Variants in CSMD3 observed in about 807,000 individuals in gnomAD.
CSMD3 encodes the protein CUB and sushi domain-containing protein 3.
In CSMD3, 177 loss-of-function variants were observed where a neutral mutation model predicts 435.2. The ratio of observed to expected loss-of-function variants is 0.41; its 90% CI spans 0.36 to 0.46. The LOEUF is 0.46. Among genes scored for constraint, CSMD3 ranks in the 20% least tolerant of loss-of-function variants. CSMD3 has a pLI of 0.34. For synonymous variants in CSMD3, 1,656 were observed against 1,520.5 expected, an observed-to-expected ratio of 1.09 and a Z score of -2.07; for missense variants, 4,265 against 4,504.6, an observed-to-expected ratio of 0.95 and a Z score of 1.52.
intron 66 of CSMD3, 118 bp from the exon 67 acceptor site, chr8:112,237,466 T>C: frequency 2.6e-6 from 2 of 757,306 alleles, no homozygotes; most frequent in Non-Finnish European, 4.5e-6. Context: ...TAATGTTGAA[T>C]GTGTGTTACA....
chr8:113,115,600 A>G (rs893220529), intron 4 of CSMD3, among the ~76,000 whole-genome samples: 5 of 152,170 alleles, frequency 3.3e-5, no homozygotes, highest in Admixed American at 6.5e-5. Context: ...TCTTTGTGGC[A>G]TTCATCCATA....
intron 5 of CSMD3, 183 bp downstream of exon 5, chr8:113,098,573 C>A (rs3817439): frequency 0.12 from 70,772 of 590,524 alleles, 4,553 homozygotes; most frequent in Middle Eastern, 0.17. Flanking sequence ...TGAATTTCAT[C>A]TATTTTTTAT....
intron 16 of CSMD3, among the ~76,000 whole-genome samples, chr8:112,671,992 G>A (rs571601678): frequency 6.6e-6 from 1 of 151,820 alleles, no homozygotes; most frequent in East Asian, 1.9e-4. Flanking sequence ...GCTAGCTGCT[G>A]AAATTGAAAA....
intron 5 of CSMD3, among the ~76,000 whole-genome samples, chr8:113,048,446 C>A (rs2087940419): frequency 6.6e-6 from 1 of 152,086 alleles, no homozygotes. Context: ...ATACAAACAG[C>A]TTTTCTATGG....
At chr8:113,400,990 C>CTAT (rs1363684243) in intron 1 of CSMD3, among the ~76,000 whole-genome samples, 1 of 151,684 alleles carries the variant, frequency 6.6e-6, no homozygotes, top group Admixed American at 6.6e-5. Context: ...GATAAAGAAA[C>CTAT]TAAATAGTGT....
At chr8:113,288,599 G>A (rs1043578647) in intron 2 of CSMD3, among the ~76,000 whole-genome samples, 3 of 151,700 alleles carry the variant, frequency 2.0e-5, no homozygotes, top group African/African-American at 7.2e-5. Flanking sequence ...GAGAAAACTA[G>A]AAATACAGGA....
intron 10 of CSMD3, among the ~76,000 whole-genome samples, chr8:112,863,108 C>T (rs2080872066): frequency 6.6e-6 from 1 of 151,890 alleles, no homozygotes; most frequent in South Asian, 2.1e-4. Flanking sequence ...CTAATATTAA[C>T]CCTTTTATAT....
chr8:113,153,105 G>GA (rs879259918), intron 4 of CSMD3, among the ~76,000 whole-genome samples: 156 of 98,504 alleles, frequency 1.6e-3, no homozygotes, highest in East Asian at 6.7e-3. Context: ...AGAAAGAAAA[G>GA]AAAGAAAGAA....
intron 1 of CSMD3, among the ~76,000 whole-genome samples, chr8:113,426,783 T>C (rs1231946785): frequency 6.6e-6 from 1 of 151,520 alleles, no homozygotes; most frequent in Non-Finnish European, 1.5e-5. Flanking sequence ...ATGGAAAACC[T>C]GGCTGATGGC....
rs374259296 is a variant in CSMD3, at chr8:112,465,042, A to C, written c.5395+7549T>G. 1.8e-4 allele frequency among the ~76,000 whole-genome samples: 27 copies of C among 152,344 alleles called. No homozygotes were observed. The East Asian group carries it at 2.9e-3, about 16-fold the overall frequency. On this transcript the variant is annotated intron_variant, in intron 32 of 70. Coordinates refer to ENST00000297405, the MANE Select transcript of CSMD3 (RefSeq NM_198123.2). ...TAGGACTCTATGGACTTTTATCTTC[A>C]GTTAAAAGTTAGTTAATATAGCCCA...
At chr8:113,242,343 C>T (rs758057900) in intron 3 of CSMD3, among the ~76,000 whole-genome samples, 9 of 151,986 alleles carry the variant, frequency 5.9e-5, no homozygotes, top group Non-Finnish European at 1.2e-4. Context: ...AACTTAGAGA[C>T]TGAGAAGCCA....
chr8:112,396,803 G>T (rs143542132), intron 35 of CSMD3, among the ~76,000 whole-genome samples: 92 of 152,268 alleles, frequency 6.0e-4, no homozygotes, highest in Non-Finnish European at 1.2e-3. Context: ...AATACAGTTC[G>T]ATGGTTGCTG....
At chr8:112,873,618 A>G (rs1334771518) in intron 10 of CSMD3, among the ~76,000 whole-genome samples, 1 of 152,058 alleles carries the variant, frequency 6.6e-6, no homozygotes, top group Non-Finnish European at 1.5e-5. Context: ...CCAAATGCTC[A>G]ACAAATGTTT....
At position 112,399,377 on chromosome 8, in the gene CSMD3, C is replaced by T. The variant is rs1435882662; in HGVS notation, c.5809+7147G>A. Among the ~76,000 whole-genome samples, 4 of 151,762 alleles carry T rather than the reference C, an allele frequency of 2.6e-5. No homozygotes were observed. The South Asian group carries it at 6.2e-4, about 24-fold the overall frequency. The stretch of plus-strand genomic sequence containing the variant: ...CTGGGTTCAAGCGATTCTCCTGCTT[C>T]GGCCTCCAGAGTAGTTAAGACTATA... On this transcript the variant is annotated intron_variant, in intron 35 of 70. Coordinates refer to ENST00000297405, the MANE Select transcript of CSMD3 (RefSeq NM_198123.2).
At chr8:112,916,916 T>A (rs981330416) in intron 10 of CSMD3, among the ~76,000 whole-genome samples, 1 of 152,062 alleles carries the variant, frequency 6.6e-6, no homozygotes, top group Non-Finnish European at 1.5e-5. Context: ...TAAGAGGGAA[T>A]TTGTAACATA....
intron 49 of CSMD3, among the ~76,000 whole-genome samples, chr8:112,312,406 C>A (rs531902452): frequency 1.3e-5 from 2 of 152,012 alleles, no homozygotes; most frequent in African/African-American, 4.8e-5. Flanking sequence ...AGGTGCCCAC[C>A]ACCATGCCCA....
intron 23 of CSMD3, among the ~76,000 whole-genome samples, chr8:112,584,235 G>A (rs4876474): frequency 3.3e-5 from 5 of 151,624 alleles, no homozygotes; most frequent in African/African-American, 7.3e-5. Flanking sequence ...CTACATTGAT[G>A]GTCATCAGAT....
intron 54 of CSMD3, among the ~76,000 whole-genome samples, chr8:112,292,987 A>G (rs1372483019): frequency 6.6e-6 from 1 of 152,118 alleles, no homozygotes; most frequent in Non-Finnish European, 1.5e-5. Context: ...GTTTCACGGT[A>G]CCTATTTCAT....
chr8:112,977,393 C>T (rs1337478001), intron 6 of CSMD3, among the ~76,000 whole-genome samples: 1 of 151,840 alleles, frequency 6.6e-6, no homozygotes, highest in Non-Finnish European at 1.5e-5. Context: ...TTTTAGATAA[C>T]AATGCTAGGG....
Sources: gnomAD v4.1 joint callset for allele counts (sites outside exome capture counted in the v4.1 genomes callset) on GRCh38, gnomAD v4.1.1 for gene constraint, MANE v1.5 for transcripts, NCBI Gene and HGNC (gene_info 2026-07-23, HGNC 2026-07-21) for gene names.